The following MAST2 variants were observed in gnomAD, a reference collection of about 807,000 sequenced individuals.
MAST2 encodes the protein microtubule-associated serine/threonine-protein kinase 2.
Under a neutral mutation model 147.4 loss-of-function variants are expected in MAST2, and 70 were observed. That is an observed-to-expected ratio of 0.47 (90% confidence interval 0.39 to 0.58). The LOEUF (loss-of-function observed/expected upper bound fraction) is 0.58, where lower values mean the gene tolerates loss of function less well. Among genes scored for constraint, MAST2 ranks in the 20% least tolerant of loss-of-function variants. MAST2 has a pLI of 0.00. For synonymous variants in MAST2, 869 were observed against 896.8 expected, an observed-to-expected ratio of 0.97 and a Z score of 0.55; for missense variants, 2,080 against 2,302.3, an observed-to-expected ratio of 0.90 and a Z score of 1.98.
chr1:45,849,587 C>A (rs1424477759), intron 3 of MAST2, among the ~76,000 whole-genome samples: 1 of 150,976 alleles, frequency 6.6e-6, no homozygotes, highest in Non-Finnish European at 1.5e-5. Flanking sequence ...AGTGCAGTGG[C>A]GCGATCTAGG....
chr1:45,814,845 CT>C (rs1644406089), intron 1 of MAST2, among the ~76,000 whole-genome samples: 1 of 152,140 alleles, frequency 6.6e-6, no homozygotes, highest in African/African-American at 2.4e-5. Context: ...TTAAACTGTT[CT>C]TTTATTTTAT....
intron 5 of MAST2, among the ~76,000 whole-genome samples, chr1:45,974,229 G>A (rs1421440785): frequency 6.6e-6 from 1 of 152,184 alleles, no homozygotes; most frequent in African/African-American, 2.4e-5. Context: ...TCTAGGAATA[G>A]GGGAGGATGT....
At chr1:45,941,849 T>G (rs890134519) in intron 4 of MAST2, among the ~76,000 whole-genome samples, 5 of 152,222 alleles carry the variant, frequency 3.3e-5, no homozygotes, top group Admixed American at 2.0e-4. Flanking sequence ...TTGTGTAGTT[T>G]TTGTCCTTTA....
intron 5 of MAST2, among the ~76,000 whole-genome samples, chr1:45,969,330 GGGA>G (rs1187284438): frequency 6.6e-6 from 1 of 152,152 alleles, no homozygotes; most frequent in Non-Finnish European, 1.5e-5. Flanking sequence ...TAAGGTGTAG[GGGA>G]GGAGAAGTGT....
chr1:45,955,288 G>T (rs904483788), intron 4 of MAST2, among the ~76,000 whole-genome samples: 1 of 151,916 alleles, frequency 6.6e-6, no homozygotes, highest in South Asian at 2.1e-4. Flanking sequence ...CATAATATTC[G>T]CATATAACCT....
In MAST2 at chr1:46,032,351, A is replaced by G. The variant is rs1571297480; in HGVS notation, c.3361A>G (p.Ile1121Val). The G allele has an allele frequency of 1.9e-6, 3 of 1,613,238 alleles. No individual in the cohort carries two copies. In the East Asian group the frequency reaches 6.7e-5, roughly 36 times the overall value. The change falls in exon 25 of 29, where the codon ATT (isoleucine) becomes GTT (valine). Residue 1121 changes from isoleucine (I) to valine (V), a missense_variant. Ile to Val is a conservative substitution (Grantham distance 29). Coordinates refer to ENST00000361297, the MANE Select transcript of MAST2 (RefSeq NM_015112.3). Reference sequence around the variant, plus strand: ...GAAGTATGGCTTCACCCTGCGGGCCATTCGCGTCTACATGGGTGACTCCGA... The same window carrying G: ...GAAGTATGGCTTCACCCTGCGGGCCGTTCGCGTCTACATGGGTGACTCCGA... The part of the protein sequence containing the change: ...GKKYGFTLRA[I>V]RVYMGDSDVY...
chr1:45,961,239 T>TA (rs1296029435), intron 5 of MAST2, among the ~76,000 whole-genome samples: 5 of 152,060 alleles, frequency 3.3e-5, no homozygotes, highest in East Asian at 1.9e-4. Flanking sequence ...TGCTTTCCTC[T>TA]AAAAAAATTG....
intron 5 of MAST2, among the ~76,000 whole-genome samples, chr1:45,962,713 C>T (rs1190704214): frequency 6.6e-6 from 1 of 152,190 alleles, no homozygotes; most frequent in Non-Finnish European, 1.5e-5. Context: ...TTCTCCCATT[C>T]TATAGGTTGC....
At chr1:46,024,114 C>A (rs1440813425) in intron 15 of MAST2, 134 bp downstream of exon 15, 11 of 839,072 alleles carry the variant, frequency 1.3e-5, no homozygotes, top group Non-Finnish European at 1.7e-5. Context: ...GCATTGGTTT[C>A]TGCCTCAGGA....
intron 6 of MAST2, among the ~76,000 whole-genome samples, chr1:45,999,701 A>G (rs1270764267): frequency 6.6e-6 from 1 of 152,222 alleles, no homozygotes; most frequent in Non-Finnish European, 1.5e-5. Context: ...GTTATGATTC[A>G]TATCTCATCT....
At chr1:45,936,708 C>T (rs1656255157) in intron 4 of MAST2, among the ~76,000 whole-genome samples, 1 of 152,044 alleles carries the variant, frequency 6.6e-6, no homozygotes, top group African/African-American at 2.4e-5. Flanking sequence ...CTTCCTTATC[C>T]CCATCAGTCT....
chr1:45,812,425 CTTTTTTTTTTT>C (rs35095652), intron 1 of MAST2, among the ~76,000 whole-genome samples: 2 of 121,680 alleles, frequency 1.6e-5, no homozygotes. Flanking sequence ...ATCTGTAAGC[CTTTTTTTTTTT>C]TTTTTTTTTT....
chr1:45,870,047 C>T (rs1468771909), intron 3 of MAST2, among the ~76,000 whole-genome samples: 1 of 152,150 alleles, frequency 6.6e-6, no homozygotes, highest in Non-Finnish European at 1.5e-5. Flanking sequence ...CCTCAGCCTC[C>T]TGAGTAGTTG....
At chr1:45,906,694 T>A (rs1435018444) in intron 4 of MAST2, among the ~76,000 whole-genome samples, 1 of 149,244 alleles carries the variant, frequency 6.7e-6, no homozygotes, top group East Asian at 1.9e-4. Flanking sequence ...ATAATTATAT[T>A]ATATGTTTAT....
At chr1:45,875,307 G>A (rs1399807263) in intron 3 of MAST2, among the ~76,000 whole-genome samples, 2 of 152,084 alleles carry the variant, frequency 1.3e-5, no homozygotes, top group Non-Finnish European at 2.9e-5. Flanking sequence ...TTAGCCGGAC[G>A]TGGTGGCGCA....
In MAST2 at chr1:46,025,583, T is replaced by C. The variant is rs1646374037; in HGVS notation, c.1781-94T>C. On this transcript the variant is annotated intron_variant, in intron 15 of 28. Transcript: ENST00000361297. The stretch of plus-strand genomic sequence containing the variant: ...AGCACCAGGATATTCCATGAAGCTG[T>C]CTCCTCTGGGACCTCAGAAACTGCC... 3.4e-6 allele frequency: 5 copies of C among 1,455,320 alleles called. No individual in the cohort carries two copies. The South Asian group carries it at 5.9e-5, about 17-fold the overall frequency. The allele number at this position is 1,455,320 out of a possible 1,614,324, so 90.2% of individuals were successfully genotyped here. A position where few individuals can be genotyped will look rare whatever the true frequency, so the allele number is the denominator to read the frequency against.
chr1:45,822,851 A>G (rs986145740), intron 1 of MAST2, among the ~76,000 whole-genome samples: 2 of 152,180 alleles, frequency 1.3e-5, no homozygotes, highest in Non-Finnish European at 2.9e-5. Flanking sequence ...CATCCTTGAC[A>G]TGCCAAATAG....
At chr1:45,931,108 A>C (rs1429913948) in intron 4 of MAST2, among the ~76,000 whole-genome samples, 1 of 152,216 alleles carries the variant, frequency 6.6e-6, no homozygotes, top group African/African-American at 2.4e-5. Context: ...ATATTTCACC[A>C]AATGTCCCAG....
At position 45,835,105 on chromosome 1, in the gene MAST2, T is replaced by A. The variant is rs116024407; in HGVS notation, c.468+5524T>A. On this transcript the variant is annotated intron_variant, in intron 3 of 28. Coordinates refer to ENST00000361297, the MANE Select transcript of MAST2 (RefSeq NM_015112.3). ...TTCCAGTGACTTTCCAGCTTAAAATTTGGAGGCAAATTTTCCTTAGGAGGC... is the reference window on the plus strand; with the variant it reads ...TTCCAGTGACTTTCCAGCTTAAAATATGGAGGCAAATTTTCCTTAGGAGGC... Among the ~76,000 whole-genome samples, 1,011 of 152,246 alleles carry A rather than the reference T, an allele frequency of 6.6e-3. 12 individuals are homozygous for A. The highest frequency in any genetic ancestry group is 0.023 in the African/African-American group (975 of 41,548).
Sources: gnomAD v4.1 joint callset for allele counts (sites outside exome capture counted in the v4.1 genomes callset) on GRCh38, gnomAD v4.1.1 for gene constraint, MANE v1.5 for transcripts, NCBI Gene and HGNC (gene_info 2026-07-23, HGNC 2026-07-21) for gene names.